The following SPATA7 variants were observed in gnomAD, a reference collection of about 807,000 sequenced individuals.
SPATA7 encodes the protein spermatogenesis-associated protein 7.
In SPATA7, 43 loss-of-function variants were observed where a neutral mutation model predicts 51.8. The observed-to-expected ratio is 0.83, with a 90% CI of 0.65 to 1.07. The LOEUF (loss-of-function observed/expected upper bound fraction) is 1.07, where lower values mean the gene tolerates loss of function less well. Among genes scored for constraint, SPATA7 ranks in the 50% least tolerant of loss-of-function variants. The probability of loss-of-function intolerance (pLI) is 0.00; values close to 1 mark genes in which losing one functional copy is unlikely to be tolerated. For missense variants in SPATA7, 683 were observed against 701.3 expected (o/e 0.97, Z 0.30); for synonymous variants, 230 against 252.8 (o/e 0.91, Z 0.86).
At chr14:88,398,536 G>A (rs2075963961) in intron 4 of SPATA7, among the ~76,000 whole-genome samples, 1 of 149,798 alleles carries the variant, frequency 6.7e-6, no homozygotes, top group Non-Finnish European at 1.5e-5. Flanking sequence ...GCTAGATGAC[G>A]AGTTAGTGGG....
intron 5 of SPATA7, among the ~76,000 whole-genome samples, chr14:88,423,259 C>T (rs1055002001): frequency 3.6e-4 from 54 of 151,568 alleles, no homozygotes; most frequent in Non-Finnish European, 5.2e-4. Flanking sequence ...AGAAAAGAGG[C>T]GGGAGCAGTG....
intron 3 of SPATA7, among the ~76,000 whole-genome samples, chr14:88,451,673 C>A (rs984474886): frequency 3.3e-5 from 5 of 151,638 alleles, no homozygotes; most frequent in African/African-American, 1.2e-4. Context: ...TATAGGCGCC[C>A]ACCACCATGC....
rs201610603 is a variant in SPATA7, at chr14:88,469,531, T to C, written c.255-316T>C. The stretch of plus-strand genomic sequence containing the variant: ...TCCCTTGAGGTCTTCTGGACAGCCA[T>C]GTTCAGGCCAGTCTGTGTATTGGAG... On this transcript the variant is annotated intron_variant, in intron 4 of 4. Coordinates refer to the SPATA7 transcript ENST00000556406. This position sits in a 1 kb window ranked among gnomAD's most constrained non-coding sequence, Gnocchi z 4.3. 20 of 1,614,028 alleles carry C rather than the reference T, an allele frequency of 1.2e-5. No individual in the cohort carries two copies. Among genetic ancestry groups the C allele is most frequent in the African/African-American group, 1.1e-4 (8 of 74,926 alleles).
intron 3 of SPATA7, among the ~76,000 whole-genome samples, chr14:88,449,774 G>A (rs764153757): frequency 6.6e-6 from 1 of 151,994 alleles, no homozygotes; most frequent in Non-Finnish European, 1.5e-5. Context: ...TAGGTGCATA[G>A]ATACATTTAG....
chr14:88,465,809 T>C (rs2077354780), intron 4 of SPATA7: 1 of 152,190 alleles, frequency 6.6e-6, no homozygotes, highest in African/African-American at 2.4e-5. Context: ...CAGAAATCCT[T>C]TCATATTCAC....
chr14:88,403,397 T>A (rs2076122053), intron 4 of SPATA7, among the ~76,000 whole-genome samples: 1 of 152,124 alleles, frequency 6.6e-6, no homozygotes, highest in Non-Finnish European at 1.5e-5. Flanking sequence ...TTATAGCAAA[T>A]AGTCAAGATA....
intron 9 of SPATA7, 64 bp downstream of exon 9, chr14:88,431,289 A>G (rs1459096034): frequency 7.0e-7 from 1 of 1,437,708 alleles, no homozygotes; most frequent in Non-Finnish European, 9.8e-7. Context: ...CAAAGAAACC[A>G]TATTAAATAA....
rs559926331 is a variant in SPATA7 at position 88,434,287 on chromosome 14, CTG to C, written c.1160+1078_1160+1079del. On this transcript the variant is annotated intron_variant, in intron 10 of 11. Transcript: ENST00000393545. ...AATGGTAAATGTTTGGTTGAATAAA[CTG>C]TGGAATATATATGAAATGTGAGGTC... Among the ~76,000 whole-genome samples the C allele has an allele frequency of 2.8e-3, 432 of 152,078 alleles. 2 individuals carry two copies. The highest frequency in any genetic ancestry group is 0.01 in the African/African-American group (415 of 41,488).
chr14:88,462,279 T>TC lies in SPATA7; in HGVS notation c.255-7567dup, dbSNP rs546568006. On this transcript the variant is annotated intron_variant, in intron 4 of 4. Transcript: ENST00000556406. ...AAATGAATACGTTTATATTCCCTGT[T>TC]CATTTGTTCAGTTTTTCTCAGCTGA... 6.2e-4 allele frequency among the ~76,000 whole-genome samples: 94 copies of TC among 152,336 alleles called. 2 individuals are homozygous for TC. Among genetic ancestry groups the TC allele is most frequent in the Admixed American group, 6.1e-3 (93 of 15,300 alleles).
rs570842784 is a variant in SPATA7, at chr14:88,385,712, C to T, written c.-107C>T. 3.6e-6 allele frequency: 4 copies of T among 1,100,088 alleles called. No homozygotes were observed. The highest frequency in any genetic ancestry group is 5.4e-6 in the Non-Finnish European group (4 of 736,382). 68.1% of individuals were successfully genotyped at this position (1,100,088 alleles called of 1,614,324 possible). A position where few individuals can be genotyped will look rare whatever the true frequency, so the allele number is the denominator to read the frequency against. On this transcript the variant is annotated 5_prime_UTR_variant, in exon 1 of 12. Transcript: ENST00000393545. ...AACGGTTTCCCTGCTGCTGCAGCCCCCGTCGGCTCCTCTTTTCCAGTCCTC... is the reference window on the plus strand; with the variant it reads ...AACGGTTTCCCTGCTGCTGCAGCCCTCGTCGGCTCCTCTTTTCCAGTCCTC...
chr14:88,413,567 GA>G (rs1386200250), intron 4 of SPATA7, among the ~76,000 whole-genome samples: 2 of 152,096 alleles, frequency 1.3e-5, no homozygotes, highest in Admixed American at 6.6e-5. Context: ...CTCTGGCTAG[GA>G]CTCCAGTAGT....
intron 4 of SPATA7, among the ~76,000 whole-genome samples, chr14:88,408,413 T>C (rs921352589): frequency 1.3e-5 from 2 of 152,192 alleles, no homozygotes; most frequent in African/African-American, 2.4e-5. Flanking sequence ...TGTCTGTCTG[T>C]TGTTGGTGTA....
chr14:88,412,617 C>T (rs2076374104), intron 4 of SPATA7, among the ~76,000 whole-genome samples: 1 of 152,176 alleles, frequency 6.6e-6, no homozygotes, highest in Non-Finnish European at 1.5e-5. Context: ...AGCACCCTCA[C>T]AGATATACCC....
intron 9 of SPATA7, 68 bp from the exon 10 acceptor site, chr14:88,433,067 A>C: frequency 8.4e-7 from 1 of 1,193,718 alleles, no homozygotes; most frequent in Non-Finnish European, 1.2e-6. Flanking sequence ...TTAGGTACTA[A>C]TGTTTCTTAC....
intron 10 of SPATA7, among the ~76,000 whole-genome samples, chr14:88,436,119 A>G (rs188797801): frequency 6.6e-6 from 1 of 152,244 alleles, no homozygotes; most frequent in East Asian, 1.9e-4. Flanking sequence ...CTGGAGTGAG[A>G]TGATACCTCA....
At chr14:88,401,022 A>C (rs1161549403) in intron 4 of SPATA7, among the ~76,000 whole-genome samples, 1 of 152,182 alleles carries the variant, frequency 6.6e-6, no homozygotes, top group Non-Finnish European at 1.5e-5. Context: ...CCTGATGCCA[A>C]AACCAAACAA....
At chr14:88,386,974 A>G (rs2075597517) in intron 1 of SPATA7, among the ~76,000 whole-genome samples, 1 of 152,238 alleles carries the variant, frequency 6.6e-6, no homozygotes, top group Admixed American at 6.5e-5. Flanking sequence ...GAAATTTTGC[A>G]TATAAACTAA....
At chr14:88,443,191 C>A (rs142798852), downstream of SPATA7, among the ~76,000 whole-genome samples, 3,955 of 152,240 alleles carry the variant, frequency 0.026, 176 homozygotes, top group African/African-American at 0.09. Context: ...GGTCCACCCG[C>A]CTTGGCCTCC....
At chr14:88,468,187 A>G in intron 4 of SPATA7, 1 of 1,611,984 alleles carries the variant, frequency 6.2e-7, no homozygotes, top group Non-Finnish European at 8.5e-7. Context: ...CTGTACACAA[A>G]TGTGTACTGG....
Sources: allele counts gnomAD v4.1 joint callset (sites outside exome capture counted in the v4.1 genomes callset), GRCh38; gene constraint gnomAD v4.1.1; non-coding constraint Gnocchi (gnomAD v3.1); transcripts MANE v1.5; gene names NCBI Gene and HGNC (gene_info 2026-07-23, HGNC 2026-07-21).